The following PIGF variants were observed in gnomAD, a reference collection of about 807,000 sequenced individuals.
PIGF encodes the protein GPI ethanolamine phosphate transferase, stabilizing subunit.
PIGF carries 23 observed loss-of-function variants against 26.0 expected under a neutral mutation model. The observed-to-expected ratio is 0.88, with a 90% CI of 0.64 to 1.25. The LOEUF (loss-of-function observed/expected upper bound fraction) is 1.25. Among genes scored for constraint, PIGF ranks in the 50% most tolerant of loss-of-function variants. PIGF has a pLI of 0.00. For missense variants in PIGF, 278 were observed against 249.9 expected (o/e 1.11, Z -0.76); for synonymous variants, 93 against 92.6 (o/e 1.00, Z -0.03).
At chr2:46,613,665 T>C (rs572292707) in intron 3 of PIGF, 29 bp downstream of exon 3, 7 of 1,453,156 alleles carry the variant, frequency 4.8e-6, no homozygotes, top group Admixed American at 2.7e-5. Context: ...TTTTAAAATA[T>C]AAATTTAGGG....
At chr2:46,615,375 A>C (rs912477569) in intron 1 of PIGF, 190 bp from the exon 2 acceptor site, 10 of 435,450 alleles carry the variant, frequency 2.3e-5, no homozygotes, top group African/African-American at 1.6e-4. Flanking sequence ...TGATTTTCTT[A>C]ATATGGTACA....
rs924570777 is a variant in PIGF at position 46,600,573 on chromosome 2, A to G, written c.438-7990T>C. ...TAATTAATTAACTATTGATGATCCC[A>G]TTCTGTTTCTCAATGATTAGGAAAA... is the stretch of plus-strand genomic sequence containing the variant. On this transcript the variant is annotated intron_variant, in intron 4 of 5. Transcript: ENST00000281382. Among the ~76,000 whole-genome samples, 6 of 152,272 alleles carry G rather than the reference A, an allele frequency of 3.9e-5. No homozygotes were observed. The East Asian group carries it at 1.2e-3, about 29-fold the overall frequency.
At position 46,606,529 on chromosome 2, in the gene PIGF, T is replaced by C. The variant is rs116609120; in HGVS notation, c.437+5699A>G. ...CCCTTATTAAAGGATATTTAGGTAA[T>C]TTTCAATGCTGAAATGAGTAATCTT... On this transcript the variant is annotated intron_variant, in intron 4 of 5. Coordinates refer to ENST00000281382, the MANE Select transcript of PIGF (RefSeq NM_002643.4). Among the ~76,000 whole-genome samples, 336 of 152,314 alleles carry C rather than the reference T, an allele frequency of 2.2e-3. 3 individuals carry two copies. Among genetic ancestry groups the C allele is most frequent in the African/African-American group, 7.5e-3 (311 of 41,562 alleles).
intron 4 of PIGF, among the ~76,000 whole-genome samples, chr2:46,598,327 T>C (rs2104098490): frequency 6.6e-6 from 1 of 152,260 alleles, no homozygotes; most frequent in South Asian, 2.1e-4. Flanking sequence ...ATTTGACGTA[T>C]TCCTCAAATA....
At chr2:46,595,996 C>G (rs1374686857) in intron 4 of PIGF, among the ~76,000 whole-genome samples, 2 of 151,980 alleles carry the variant, frequency 1.3e-5, no homozygotes, top group Admixed American at 6.6e-5. Flanking sequence ...GGGCGGATCA[C>G]AAGGTCAGGA....
chr2:46,586,275 T>C (rs928164979), intron 5 of PIGF, among the ~76,000 whole-genome samples: 1 of 152,206 alleles, frequency 6.6e-6, no homozygotes, highest in South Asian at 2.1e-4. Context: ...AAACTAATCA[T>C]TGGTAGGCAT....
intron 5 of PIGF, among the ~76,000 whole-genome samples, chr2:46,590,200 A>T (rs1558700570): frequency 3.3e-5 from 5 of 152,110 alleles, no homozygotes; most frequent in Admixed American, 1.3e-4. Context: ...AAATCTTTTT[A>T]AAAAGTCAGT....
rs561343985 is a variant in PIGF, at chr2:46,599,249, T to C, written c.438-6666A>G. Among the ~76,000 whole-genome samples, 54 of 152,330 alleles carry C rather than the reference T, an allele frequency of 3.5e-4. 1 individual carries two copies. The highest frequency in any genetic ancestry group is 9.8e-4 in the Admixed American group (15 of 15,294). On this transcript the variant is annotated intron_variant, in intron 4 of 5. Transcript: ENST00000281382. The stretch of plus-strand genomic sequence containing the variant: ...TCCTCCCTGCACTGTTCAACTTCCA[T>C]TGCTTGTATTAGTTTTTATTTACAT...
At chr2:46,597,627 G>T (rs1395737512) in intron 4 of PIGF, among the ~76,000 whole-genome samples, 1 of 152,096 alleles carries the variant, frequency 6.6e-6, no homozygotes, top group East Asian at 1.9e-4. Context: ...GGCCAGGCTG[G>T]TCTCGAACTC....
chr2:46,591,889 C>G, intron 5 of PIGF: 2 of 1,303,896 alleles, frequency 1.5e-6, no homozygotes, highest in East Asian at 5.5e-5. Flanking sequence ...CTTGATAACA[C>G]AGGCCGCTGC....
At chr2:46,600,969 T>C (rs1252187483) in intron 4 of PIGF, among the ~76,000 whole-genome samples, 4 of 151,982 alleles carry the variant, frequency 2.6e-5, no homozygotes, top group East Asian at 1.9e-4. Context: ...TAGTTGTTCA[T>C]TGCTTCCATG....
intron 2 of PIGF, chr2:46,614,705 TTATAA>T (rs766657164): frequency 7.6e-6 from 3 of 395,876 alleles, no homozygotes; most frequent in Non-Finnish European, 9.2e-6. Context: ...GCTCACAATA[TTATAA>T]TATGCTCTGA....
At chr2:46,587,395 A>G (rs1669610014) in intron 5 of PIGF, among the ~76,000 whole-genome samples, 1 of 152,080 alleles carries the variant, frequency 6.6e-6, no homozygotes, top group South Asian at 2.1e-4. Flanking sequence ...TAGGAAATGA[A>G]TATACATATT....
intron 4 of PIGF, 121 bp downstream of exon 4, chr2:46,612,107 C>T (rs554185532): frequency 7.1e-5 from 28 of 391,710 alleles, no homozygotes; most frequent in African/African-American, 5.7e-4. Context: ...CTTAAGGCAT[C>T]TCTGAGCACC....
intron 3 of PIGF, among the ~76,000 whole-genome samples, chr2:46,613,061 A>AT (rs1558712273): frequency 5.1e-5 from 7 of 136,140 alleles, no homozygotes; most frequent in African/African-American, 1.8e-4. Context: ...TATATATATA[A>AT]AATGGTATAC....
chr2:46,591,045 G>A (rs866459516), intron 5 of PIGF, among the ~76,000 whole-genome samples: 124 of 152,264 alleles, frequency 8.1e-4, no homozygotes, highest in African/African-American at 2.9e-3. Context: ...AATTCATTAG[G>A]TAGGACTCTA....
chr2:46,614,039 GT>G, intron 2 of PIGF: 1 of 350,776 alleles, frequency 2.9e-6, no homozygotes, highest in Non-Finnish European at 5.2e-6. Context: ...TCGAAAAGAG[GT>G]TCTGTTTCCA....
intron 5 of PIGF, among the ~76,000 whole-genome samples, chr2:46,591,199 C>T (rs13406609): frequency 0.15 from 22,735 of 151,908 alleles, 2,043 homozygotes; most frequent in African/African-American, 0.26. Flanking sequence ...CACAAATAAT[C>T]GAATATTACA....
chr2:46,601,309 C>T (rs916456819), intron 4 of PIGF, among the ~76,000 whole-genome samples: 3 of 152,078 alleles, frequency 2.0e-5, no homozygotes, highest in African/African-American at 7.2e-5. Flanking sequence ...GCCTTCATGA[C>T]ACTGTGCTCC....
Sources: allele counts gnomAD v4.1 joint callset (sites outside exome capture counted in the v4.1 genomes callset), GRCh38; gene constraint gnomAD v4.1.1; transcripts MANE v1.5; gene names NCBI Gene and HGNC (gene_info 2026-07-23, HGNC 2026-07-21).